IL20RA: variants seen among roughly 807,000 people sequenced by gnomAD.
IL20RA encodes interleukin 20 receptor subunit alpha, also known as interleukin-20 receptor subunit alpha.
A neutral mutation model predicts 36.5 loss-of-function variants in IL20RA; 29 were observed. The observed-to-expected ratio is 0.79, with a 90% CI of 0.59 to 1.08. The LOEUF (loss-of-function observed/expected upper bound fraction) is 1.08. Among genes scored for constraint, IL20RA ranks in the 50% least tolerant of loss-of-function variants. The probability of loss-of-function intolerance (pLI) is 0.00; values close to 1 mark genes in which losing one functional copy is unlikely to be tolerated. For synonymous variants in IL20RA, 279 were observed against 267.1 expected (o/e 1.04, Z -0.43); for missense variants, 652 against 668.4 (o/e 0.98, Z 0.27).
intron 1 of IL20RA, among the ~76,000 whole-genome samples, chr6:137,019,786 T>A (rs1456348932): frequency 6.6e-6 from 1 of 152,158 alleles, no homozygotes; most frequent in Non-Finnish European, 1.5e-5. Flanking sequence ...ATAATAACAT[T>A]AAAAAATAAT....
At chr6:137,032,468 G>A (rs750313721) in intron 1 of IL20RA, among the ~76,000 whole-genome samples, 2 of 152,146 alleles carry the variant, frequency 1.3e-5, no homozygotes, top group African/African-American at 2.4e-5. Context: ...AGAGGGCAGT[G>A]GACGAGGAGG....
rs1429300895 is a variant in IL20RA at position 137,044,807 on chromosome 6, C to A, written c.-79G>T. 2 of 1,186,846 alleles carry A rather than the reference C, an allele frequency of 1.7e-6. No individual in the cohort carries two copies. The highest frequency in any genetic ancestry group is 1.6e-5 in the African/African-American group (1 of 62,850). The allele number at this position is 1,186,846 out of a possible 1,614,324, so 73.5% of individuals were successfully genotyped here. ...CCCGCTGGGGCCAAGCGCGGCCGCG[C>A]GGCCTCAGCTCCGCGCCTGGGGCTC... On this transcript the variant is annotated 5_prime_UTR_variant, in exon 1 of 7. Transcript: ENST00000316649.
rs1776843318 is a variant in IL20RA at position 137,044,715 on chromosome 6, C to T, written c.14G>A (p.Gly5Asp). 8.2e-7 allele frequency: 1 copy of T among 1,219,938 alleles called. No homozygotes were observed. Among genetic ancestry groups the T allele is most frequent in the Non-Finnish European group, 1.0e-6 (1 of 980,774 alleles). 75.6% of individuals were successfully genotyped at this position (1,219,938 alleles called of 1,614,324 possible). A position where few individuals can be genotyped will look rare whatever the true frequency, so the allele number is the denominator to read the frequency against. ...CGGCAGCGGCCGCAGGGCCGGGCGG[C>T]CGGGAGCCCGCATGGGCGGCGGGGC... MRAPGRPALRPLPLP... is the reference protein window; with the variant it reads MRAPDRPALRPLPLP... The change falls in exon 1 of 7, where the codon GGC (glycine) becomes GAC (aspartate). Residue 5 changes from glycine to aspartate, a missense_variant. By Grantham distance (94) the Gly-to-Asp change is moderately conservative. Coordinates refer to ENST00000316649, the MANE Select transcript of IL20RA (RefSeq NM_014432.4).
At chr6:137,027,890 TAC>T (rs1276645805) in intron 1 of IL20RA, among the ~76,000 whole-genome samples, 1 of 152,212 alleles carries the variant, frequency 6.6e-6, no homozygotes, top group Admixed American at 6.5e-5. Context: ...TGCTCCCAAG[TAC>T]AGTGTTGTGG....
Position 137,038,273 on chromosome 6 carries a change from T to C in IL20RA, c.88+6368A>G, listed in dbSNP as rs182146543. On this transcript the variant is annotated intron_variant, in intron 1 of 6. Coordinates refer to ENST00000316649, the MANE Select transcript of IL20RA (RefSeq NM_014432.4). ...TCTGTTGCCCGGGCTGGAGTTGCAG[T>C]GGTGCGATCATAGCTCACTGCAGCC... 9.8e-3 allele frequency: 1,299 copies of C among 132,754 alleles called. 6 individuals are homozygous for C. Among genetic ancestry groups the C allele is most frequent in the Non-Finnish European group, 0.016 (1,065 of 65,106 alleles). The allele number at this position is 132,754 out of a possible 1,614,324, so 8.2% of individuals were successfully genotyped here. A position where few individuals can be genotyped will look rare whatever the true frequency, so the allele number is the denominator to read the frequency against.
intron 1 of IL20RA, among the ~76,000 whole-genome samples, chr6:137,028,902 C>T (rs933567364): frequency 2.0e-5 from 3 of 151,994 alleles, no homozygotes; most frequent in African/African-American, 7.2e-5. Flanking sequence ...CTTGTTTTTG[C>T]TCAATATAGC....
In IL20RA at chr6:137,001,583, C is replaced by A; in HGVS notation, c.1637G>T (p.Gly546Val). The change falls in exon 7 of 7, where the codon GGG becomes GTG. Residue 546 changes from glycine (G) to valine (V), a missense_variant. Coordinates refer to ENST00000316649, the MANE Select transcript of IL20RA (RefSeq NM_014432.4). ...TYLMQFMEEW[G>V]LYVQMEN The stretch of plus-strand genomic sequence containing the variant: ...TCAGTTTTCCATCTGCACATATAAC[C>A]CCCATTCCTCCATGAATTGCATGAG... 1.3e-6 allele frequency: 2 copies of A among 1,581,626 alleles called. No homozygotes were observed. The highest frequency in any genetic ancestry group is 2.3e-5 in the East Asian group (1 of 44,390).
chr6:137,042,988 G>T (rs1009218555), intron 1 of IL20RA: 4 of 152,172 alleles, frequency 2.6e-5, no homozygotes, highest in African/African-American at 9.7e-5. Flanking sequence ...TAGTATCAAG[G>T]TCTCTTGGGT....
chr6:137,041,497 A>G (rs1273930464), intron 1 of IL20RA, among the ~76,000 whole-genome samples: 1 of 152,212 alleles, frequency 6.6e-6, no homozygotes, highest in East Asian at 1.9e-4. Flanking sequence ...AAAAGTTAAA[A>G]AAAGAAAATA....
chr6:137,035,444 C>G (rs1178327451), intron 1 of IL20RA, among the ~76,000 whole-genome samples: 4 of 152,206 alleles, frequency 2.6e-5, no homozygotes, highest in Admixed American at 2.6e-4. Flanking sequence ...TCTAAAGAAA[C>G]TGTTTTCCTC....
chr6:137,024,990 G>A (rs1776036811), intron 1 of IL20RA, among the ~76,000 whole-genome samples: 1 of 152,192 alleles, frequency 6.6e-6, no homozygotes, highest in Non-Finnish European at 1.5e-5. Context: ...GGTTAAAGAT[G>A]GCCTCTGCCT....
chr6:137,029,303 T>C (rs1287714696), intron 1 of IL20RA, among the ~76,000 whole-genome samples: 2 of 151,668 alleles, frequency 1.3e-5, no homozygotes, highest in Non-Finnish European at 2.9e-5. Context: ...AGGCCAGGAG[T>C]TTGAGATCAG....
At position 137,044,262 on chromosome 6, in the gene IL20RA, G is replaced by C. The variant is rs548075568; in HGVS notation, c.88+379C>G. On this transcript the variant is annotated intron_variant, in intron 1 of 6. Transcript: ENST00000316649. ...CCGCGCGGCCGCGGCGGTGGTGGCG[G>C]GAACCTGGGACTGGCCGGCGAGGGG... 82 of 994,110 alleles carry C rather than the reference G, an allele frequency of 8.2e-5. No individual in the cohort carries two copies. In the African/African-American group the frequency reaches 1.4e-3, roughly 16 times the overall value. The allele number at this position is 994,110 out of a possible 1,614,324, so 61.6% of individuals were successfully genotyped here.
intron 1 of IL20RA, among the ~76,000 whole-genome samples, chr6:137,040,216 T>C (rs1408975538): frequency 6.6e-6 from 1 of 152,180 alleles, no homozygotes; most frequent in East Asian, 1.9e-4. Flanking sequence ...TGAAACTTGA[T>C]TGTTAGGTTG....
At chr6:137,013,005 A>G (rs1042159647) in intron 2 of IL20RA, among the ~76,000 whole-genome samples, 2 of 152,234 alleles carry the variant, frequency 1.3e-5, no homozygotes, top group Non-Finnish European at 2.9e-5. Flanking sequence ...CAGGGAAAAG[A>G]AAAATACATT....
intron 1 of IL20RA, among the ~76,000 whole-genome samples, chr6:137,029,696 A>G (rs979387615): frequency 1.3e-5 from 2 of 152,180 alleles, no homozygotes; most frequent in African/African-American, 2.4e-5. Flanking sequence ...AAGAAAGAAC[A>G]TGGTCAAAGA....
intron 1 of IL20RA, among the ~76,000 whole-genome samples, chr6:137,032,254 T>A (rs1339961747): frequency 6.6e-6 from 1 of 152,084 alleles, no homozygotes; most frequent in Admixed American, 6.5e-5. Context: ...AGGAGACAGC[T>A]GGTGGGAACC....
Position 137,044,864 on chromosome 6 carries a change from A to G in IL20RA, c.-136T>C. ...CCACGCTCCAGGCGACCTGAGTCCCAGGGCGCCTCCGCCACAGCCGCGTCC... is the reference window on the plus strand; with the variant it reads ...CCACGCTCCAGGCGACCTGAGTCCCGGGGCGCCTCCGCCACAGCCGCGTCC... On this transcript the variant is annotated 5_prime_UTR_variant, in exon 1 of 7. Coordinates refer to ENST00000316649, the MANE Select transcript of IL20RA (RefSeq NM_014432.4). 1.2e-6 allele frequency: 1 copy of G among 823,262 alleles called. No individual in the cohort carries two copies. Among genetic ancestry groups the G allele is most frequent in the Non-Finnish European group, 1.6e-6 (1 of 628,128 alleles). The allele number at this position is 823,262 out of a possible 1,614,324, so 51.0% of individuals were successfully genotyped here. A position where few individuals can be genotyped will look rare whatever the true frequency, so the allele number is the denominator to read the frequency against.
intron 2 of IL20RA, among the ~76,000 whole-genome samples, chr6:137,015,535 C>T (rs978981441): frequency 3.9e-5 from 6 of 152,170 alleles, no homozygotes; most frequent in East Asian, 3.8e-4. Flanking sequence ...TATGAATAGG[C>T]GCTATGCTAG....
Sources: allele counts gnomAD v4.1 joint callset (sites outside exome capture counted in the v4.1 genomes callset), GRCh38; gene constraint gnomAD v4.1.1; transcripts MANE v1.5; gene names NCBI Gene and HGNC (gene_info 2026-07-23, HGNC 2026-07-21).